DDAH1: variants seen among roughly 807,000 people sequenced by gnomAD.
DDAH1 encodes dimethylarginine dimethylaminohydrolase 1.
A neutral mutation model predicts 28.8 loss-of-function variants in DDAH1; 19 were observed. The ratio of observed to expected loss-of-function variants is 0.66; its 90% CI spans 0.46 to 0.97. The LOEUF is 0.97. Ranked by LOEUF, DDAH1 falls within the 50% of genes least tolerant of loss-of-function variation. DDAH1 has a pLI of 0.00. For synonymous variants in DDAH1, 153 were observed against 154.4 expected (o/e 0.99, Z 0.07); for missense variants, 326 against 375.9 (o/e 0.87, Z 1.10).
chr1:85,340,272 A>T (rs1648393027), intron 4 of DDAH1, among the ~76,000 whole-genome samples: 1 of 152,120 alleles, frequency 6.6e-6, no homozygotes, highest in Non-Finnish European at 1.5e-5. Flanking sequence ...CTAAAATGTG[A>T]ATCTAGGTCA....
chr1:85,520,105 C>T (rs763287028), intron 1 of DDAH1, among the ~76,000 whole-genome samples: 1 of 152,130 alleles, frequency 6.6e-6, no homozygotes, highest in Non-Finnish European at 1.5e-5. Flanking sequence ...TCCCCTCCCA[C>T]ACTTCCCCCT....
intron 1 of DDAH1, among the ~76,000 whole-genome samples, chr1:85,414,551 A>G (rs1652797522): frequency 6.6e-6 from 1 of 152,220 alleles, no homozygotes; most frequent in South Asian, 2.1e-4. Context: ...TCCAGAACAT[A>G]TAAAGAATTC....
chr1:85,418,269 A>G (rs1652972922), intron 1 of DDAH1, among the ~76,000 whole-genome samples: 1 of 152,230 alleles, frequency 6.6e-6, no homozygotes, highest in Admixed American at 6.5e-5. Context: ...TTTCGTCCCA[A>G]CAATTCAGGG....
chr1:85,330,832 G>A (rs1390731323), intron 4 of DDAH1, among the ~76,000 whole-genome samples: 1 of 152,248 alleles, frequency 6.6e-6, no homozygotes, highest in Non-Finnish European at 1.5e-5. Flanking sequence ...CAATGGCAGT[G>A]TGAGGTGGGA....
intron 1 of DDAH1, among the ~76,000 whole-genome samples, chr1:85,557,975 ACTCTGTTATGGCGG>A (rs1483179203): frequency 2.0e-5 from 3 of 152,106 alleles, no homozygotes; most frequent in Non-Finnish European, 4.4e-5. Flanking sequence ...AATCTGTGAG[ACTCTGTTATGGCGG>A]CCCTAGCAAA....
intron 1 of DDAH1, among the ~76,000 whole-genome samples, chr1:85,518,630 C>A (rs1391249084): frequency 1.3e-5 from 2 of 152,258 alleles, no homozygotes; most frequent in African/African-American, 4.8e-5. Flanking sequence ...AAAGGCTCTA[C>A]CTTTAAGGAC....
chr1:85,338,811 T>C (rs1648287696), intron 4 of DDAH1, among the ~76,000 whole-genome samples: 1 of 151,436 alleles, frequency 6.6e-6, no homozygotes, highest in South Asian at 2.1e-4. Flanking sequence ...GAGGCAGAGA[T>C]GGGGGATCAT....
intron 1 of DDAH1, among the ~76,000 whole-genome samples, chr1:85,365,591 A>C (rs544102951): frequency 6.6e-6 from 1 of 152,348 alleles, no homozygotes; most frequent in East Asian, 1.9e-4. Context: ...TAGTGAGGTT[A>C]CCAAAGCATA....
chr1:85,364,063 A>G (rs1302059093), intron 1 of DDAH1, among the ~76,000 whole-genome samples: 5 of 152,206 alleles, frequency 3.3e-5, no homozygotes, highest in Non-Finnish European at 7.3e-5. Context: ...CAATAACTCC[A>G]AAAAGAAGAA....
At chr1:85,397,748 C>T (rs554588369) in intron 1 of DDAH1, among the ~76,000 whole-genome samples, 6 of 152,282 alleles carry the variant, frequency 3.9e-5, no homozygotes, top group South Asian at 2.1e-4. Flanking sequence ...TAGAATGCCT[C>T]GCTTCAAGGA....
chr1:85,428,439 T>A (rs930741744), intron 1 of DDAH1, among the ~76,000 whole-genome samples: 3 of 152,094 alleles, frequency 2.0e-5, no homozygotes, highest in African/African-American at 7.2e-5. Flanking sequence ...TTATTCATTA[T>A]CATGAGAACA....
chr1:85,363,323 T>C (rs1242068898), intron 1 of DDAH1, among the ~76,000 whole-genome samples: 1 of 152,230 alleles, frequency 6.6e-6, no homozygotes, highest in Non-Finnish European at 1.5e-5. Context: ...AAAGTTGGCC[T>C]GTCTGTGGCT....
chr1:85,442,730 G>A (rs1448101085), intron 1 of DDAH1, among the ~76,000 whole-genome samples: 2 of 152,178 alleles, frequency 1.3e-5, no homozygotes, highest in Non-Finnish European at 2.9e-5. Flanking sequence ...TCTAACTGGT[G>A]TGAGATGGTA....
chr1:85,363,645 G>C (rs972845091), intron 1 of DDAH1, among the ~76,000 whole-genome samples: 1 of 152,116 alleles, frequency 6.6e-6, no homozygotes, highest in Non-Finnish European at 1.5e-5. Context: ...AAGCTGTCTT[G>C]GCACATCAAG....
intron 1 of DDAH1, among the ~76,000 whole-genome samples, chr1:85,534,314 T>C (rs1658194647): frequency 6.6e-6 from 1 of 152,160 alleles, no homozygotes; most frequent in Non-Finnish European, 1.5e-5. Flanking sequence ...ACAAGAACTC[T>C]AACTTGAAGT....
intron 1 of DDAH1, among the ~76,000 whole-genome samples, chr1:85,516,500 C>T (rs1451750536): frequency 1.3e-4 from 20 of 151,584 alleles, no homozygotes; most frequent in South Asian, 2.1e-4. Context: ...TGAGTCATTA[C>T]GCTTAGTTTG....
At chr1:85,352,064 A>C (rs1649247973) in intron 2 of DDAH1, among the ~76,000 whole-genome samples, 1 of 152,242 alleles carries the variant, frequency 6.6e-6, no homozygotes, top group Non-Finnish European at 1.5e-5. Flanking sequence ...AGCAATGACA[A>C]TTTAACAGTA....
chr1:85,566,332 T>C (rs1659299201), intron 1 of DDAH1, among the ~76,000 whole-genome samples: 1 of 150,910 alleles, frequency 6.6e-6, no homozygotes, highest in Non-Finnish European at 1.5e-5. Flanking sequence ...AGAGCTCATT[T>C]CTACAAAAAA....
chr1:85,504,423 T>A (rs1348511788), intron 1 of DDAH1, among the ~76,000 whole-genome samples: 3 of 152,188 alleles, frequency 2.0e-5, no homozygotes, highest in Non-Finnish European at 2.9e-5. Flanking sequence ...TTGGCTGTGA[T>A]AAAATCTCCT....
Sources: allele counts gnomAD v4.1 joint callset (sites outside exome capture counted in the v4.1 genomes callset), GRCh38; gene constraint gnomAD v4.1.1; transcripts MANE v1.5; gene names NCBI Gene and HGNC (gene_info 2026-07-23, HGNC 2026-07-21).